FRAS1: variants seen among roughly 807,000 people sequenced by gnomAD.
FRAS1 encodes the protein Fraser extracellular matrix complex subunit 1.
A neutral mutation model predicts 435.2 loss-of-function variants in FRAS1; 290 were observed. The observed-to-expected ratio is 0.67, with a 90% CI of 0.61 to 0.73. The LOEUF (loss-of-function observed/expected upper bound fraction) is 0.73, where lower values mean the gene tolerates loss of function less well. Ranked by LOEUF, FRAS1 falls within the 30% of genes least tolerant of loss-of-function variation. The probability of loss-of-function intolerance (pLI) is 0.00; values close to 1 mark genes in which losing one functional copy is unlikely to be tolerated. For missense variants in FRAS1, 4,860 were observed against 5,001.5 expected, an observed-to-expected ratio of 0.97 and a Z score of 0.85; for synonymous variants, 1,800 against 1,851.0, an observed-to-expected ratio of 0.97 and a Z score of 0.71.
chr4:78,311,303 A>C (rs1163386063), intron 15 of FRAS1, among the ~76,000 whole-genome samples: 4 of 151,566 alleles, frequency 2.6e-5, no homozygotes, highest in African/African-American at 9.7e-5. Context: ...TTTTGAGCGC[A>C]TATGTATTTA....
At chr4:78,384,564 C>A (rs80038537) in intron 28 of FRAS1, among the ~76,000 whole-genome samples, 7,780 of 152,052 alleles carry the variant, frequency 0.051, 648 homozygotes, top group African/African-American at 0.17. Context: ...TATATTATGA[C>A]GCATAACTTT....
chr4:78,346,505 G>A (rs1026277777), intron 20 of FRAS1, among the ~76,000 whole-genome samples: 1 of 152,118 alleles, frequency 6.6e-6, no homozygotes, highest in Non-Finnish European at 1.5e-5. Context: ...TATGATCACT[G>A]TGTCATCAGC....
chr4:78,385,503 A>G (rs1732185324), intron 28 of FRAS1, among the ~76,000 whole-genome samples: 2 of 152,202 alleles, frequency 1.3e-5, no homozygotes, highest in Non-Finnish European at 2.9e-5. Flanking sequence ...TTATCACATC[A>G]GGGATAAATT....
chr4:78,096,568 C>T (rs1741818473), intron 2 of FRAS1, among the ~76,000 whole-genome samples: 1 of 152,238 alleles, frequency 6.6e-6, no homozygotes, highest in African/African-American at 2.4e-5. Context: ...AGGTGGGGTT[C>T]CCAGACCTCA....
Position 78,522,779 on chromosome 4 carries a change from A to G in FRAS1, c.10779A>G (p.Gln3593=). ...WSAQTFDSPH[Q]LWRATSSYNR... is the part of the protein sequence containing the mutation. ...CTCAGACTTTTGATTCTCCACATCA[A>G]CTCTGGAGAGCCACAAGCTCTTATA... is the stretch of plus-strand genomic sequence containing the variant. The change falls in exon 69 of 74, where the codon CAA becomes CAG. Residue 3593 remains glutamine (Q), a synonymous_variant. Transcript: ENST00000512123. The G allele has an allele frequency of 1.9e-6, 3 of 1,611,138 alleles. No homozygotes were observed. Among genetic ancestry groups the G allele is most frequent in the Non-Finnish European group, 2.5e-6 (3 of 1,178,728 alleles).
intron 2 of FRAS1, among the ~76,000 whole-genome samples, chr4:78,094,111 T>A (rs934662790): frequency 3.1e-5 from 4 of 128,008 alleles, no homozygotes; most frequent in Non-Finnish European, 6.3e-5. Context: ...CAAGTTTTTT[T>A]TTTTTTTTTT....
chr4:78,382,906 C>T (rs1452092442), intron 27 of FRAS1, among the ~76,000 whole-genome samples: 2 of 152,188 alleles, frequency 1.3e-5, no homozygotes, highest in Non-Finnish European at 2.9e-5. Flanking sequence ...CAATATGTAG[C>T]CTTTTGTTTC....
At chr4:78,441,367 C>CATCTCCATCTTT in intron 41 of FRAS1, 70 bp downstream of exon 41, 1 of 1,422,596 alleles carries the variant, frequency 7.0e-7, no homozygotes, top group Non-Finnish European at 9.7e-7. Context: ...ACCTTGCTTC[C>CATCTCCATCTTT]AGCTAAAGAT....
chr4:78,066,603 A>G (rs768912429), intron 2 of FRAS1, among the ~76,000 whole-genome samples: 12 of 152,230 alleles, frequency 7.9e-5, no homozygotes, highest in Non-Finnish European at 1.6e-4. Flanking sequence ...CTAATGCACT[A>G]TGGTGCATAA....
At chr4:78,513,366 A>G in intron 64 of FRAS1, 26 bp from the exon 65 acceptor site, 2 of 1,612,564 alleles carry the variant, frequency 1.2e-6, no homozygotes. Context: ...TCAGCTAAAC[A>G]TTTATTTCTG....
intron 29 of FRAS1, among the ~76,000 whole-genome samples, chr4:78,390,248 A>G (rs1337286857): frequency 2.0e-5 from 3 of 152,148 alleles, no homozygotes; most frequent in African/African-American, 4.8e-5. Context: ...TGGAGATTCT[A>G]TTATGGGTGG....
chr4:78,319,338 G>A, intron 18 of FRAS1: 3 of 464,982 alleles, frequency 6.5e-6, no homozygotes, highest in South Asian at 1.5e-5. Context: ...TTGCTACTCT[G>A]AATATGAATT....
intron 70 of FRAS1, among the ~76,000 whole-genome samples, chr4:78,529,616 G>A (rs1721651483): frequency 1.3e-5 from 2 of 152,038 alleles, no homozygotes; most frequent in African/African-American, 4.8e-5. Context: ...CTTATCCTTG[G>A]AGTAAATGTT....
chr4:78,475,556 AG>A lies in FRAS1; in HGVS notation c.7804del (p.Val2602SerfsTer11), dbSNP rs1487027116. ...TEQGTASSSS[R>X]VSSQPGQQDY... ...GCAAGGCACCGCCAGCTCCAGCTCCAGGGTCAGCTCCCAACCTGGGCAACAG... is the reference window on the plus strand; with the variant it reads ...GCAAGGCACCGCCAGCTCCAGCTCCAGGTCAGCTCCCAACCTGGGCAACAG... On this transcript the variant is annotated frameshift_variant, in exon 54 of 74. Coordinates refer to ENST00000512123, the MANE Select transcript of FRAS1 (RefSeq NM_025074.7). LOFTEE classifies it high-confidence loss of function. 6.2e-7 allele frequency: 1 copy of A among 1,613,398 alleles called. No individual in the cohort carries two copies. Among genetic ancestry groups the A allele is most frequent in the African/African-American group, 1.3e-5 (1 of 74,908 alleles).
chr4:78,102,130 T>TA (rs1560521992), intron 2 of FRAS1, among the ~76,000 whole-genome samples: 1 of 152,122 alleles, frequency 6.6e-6, no homozygotes, highest in African/African-American at 2.4e-5. Flanking sequence ...GATTTTTTTT[T>TA]AAAAGGAAAC....
rs144110622 is a variant in FRAS1, at chr4:78,118,354, C to A, written c.108+52338C>A. Reference sequence around the variant, plus strand: ...CTGGGAGAACCACTGCTCTCCTCAACGCTGTCAGACAGGGACATTTAAGTC... The same window carrying A: ...CTGGGAGAACCACTGCTCTCCTCAAAGCTGTCAGACAGGGACATTTAAGTC... On this transcript the variant is annotated intron_variant, in intron 2 of 73. Coordinates refer to ENST00000512123, the MANE Select transcript of FRAS1 (RefSeq NM_025074.7). 5.7e-3 allele frequency among the ~76,000 whole-genome samples: 864 copies of A among 152,258 alleles called. 6 individuals are homozygous for A. Among genetic ancestry groups the A allele is most frequent in the Middle Eastern group, 0.01 (3 of 294 alleles).
intron 2 of FRAS1, among the ~76,000 whole-genome samples, chr4:78,082,972 G>A (rs1740963475): frequency 6.6e-6 from 1 of 152,146 alleles, no homozygotes; most frequent in Non-Finnish European, 1.5e-5. Context: ...ACATTAGACT[G>A]CATGGAGTCA....
At chr4:78,464,840 C>A (rs1719479084) in intron 49 of FRAS1, among the ~76,000 whole-genome samples, 1 of 152,200 alleles carries the variant, frequency 6.6e-6, no homozygotes. Context: ...TGTAACAATA[C>A]TTTTAACATG....
chr4:78,534,637 C>A (rs952295587), intron 71 of FRAS1, 22 bp downstream of exon 71: 14 of 1,607,994 alleles, frequency 8.7e-6, no homozygotes, highest in Non-Finnish European at 1.1e-5. Context: ...CCTCCACCTG[C>A]AGAAAGAGGC....
Sources: allele counts gnomAD v4.1 joint callset (sites outside exome capture counted in the v4.1 genomes callset), GRCh38; gene constraint gnomAD v4.1.1; transcripts MANE v1.5; gene names NCBI Gene and HGNC (gene_info 2026-07-23, HGNC 2026-07-21).